The following IRF6 variants were observed in gnomAD, a reference collection of about 807,000 sequenced individuals.
IRF6 encodes interferon regulatory factor 6.
IRF6 carries 6 observed loss-of-function variants against 51.4 expected under a neutral mutation model. The ratio of observed to expected loss-of-function variants is 0.12; its 90% CI spans 0.06 to 0.23. The LOEUF (loss-of-function observed/expected upper bound fraction) is 0.23, where lower values mean the gene tolerates loss of function less well. Among genes scored for constraint, IRF6 ranks in the 10% least tolerant of loss-of-function variants. The pLI is 1.00. For synonymous variants in IRF6, 178 were observed against 215.7 expected, an observed-to-expected ratio of 0.83 and a Z score of 1.53; for missense variants, 348 against 585.2, an observed-to-expected ratio of 0.59 and a Z score of 4.18.
intron 8 of IRF6, among the ~76,000 whole-genome samples, chr1:209,788,931 G>A (rs1019729972): frequency 6.6e-6 from 1 of 152,240 alleles, no homozygotes; most frequent in Non-Finnish European, 1.5e-5. Flanking sequence ...TCTATTGCTT[G>A]CCTTGCTACA....
rs368293240 is a variant in IRF6 at position 209,805,396 on chromosome 1, C to A, written c.-76+551G>T. Among the ~76,000 whole-genome samples the A allele has an allele frequency of 2.6e-5, 4 of 152,246 alleles. No individual in the cohort carries two copies. The East Asian group carries it at 7.7e-4, about 29-fold the overall frequency. ...AGCAACCACACCCCAGCGCCACCCT[C>A]CCCAGCACCTAGCTCCGCTCCTTGG... On this transcript the variant is annotated intron_variant, in intron 1 of 8. Transcript: ENST00000367021.
Position 209,796,341 on chromosome 1 carries a change from G to C in IRF6, c.379+7C>G, listed in dbSNP as rs765901758. On this transcript the variant is annotated splice_region_variant and intron_variant, in intron 4 of 8. Coordinates refer to ENST00000367021, the MANE Select transcript of IRF6 (RefSeq NM_006147.4). The surrounding 1 kb of genome is among the most constrained non-coding windows in gnomAD (Gnocchi z 4.5). ...GCCCACCTTCTCCCCAGCACCTGGGGCCTCACCTGGGTTAATGATCGAGCC... is the reference window on the plus strand; with the variant it reads ...GCCCACCTTCTCCCCAGCACCTGGGCCCTCACCTGGGTTAATGATCGAGCC... 6.2e-6 allele frequency: 10 copies of C among 1,613,186 alleles called. No individual in the cohort carries two copies. In the South Asian group the frequency reaches 1.1e-4, roughly 18 times the overall value.
In IRF6 at chr1:209,786,308, C is replaced by T. The variant is rs2077833291; in HGVS notation, c.*2112G>A. The stretch of plus-strand genomic sequence containing the variant: ...CCTCACAAATCACTCATCCATTCCT[C>T]TGACATGTTCATAAACTTTTTATAG... On this transcript the variant is annotated 3_prime_UTR_variant, in exon 9 of 9. Coordinates refer to ENST00000367021, the MANE Select transcript of IRF6 (RefSeq NM_006147.4). 1 of 152,240 alleles carries T rather than the reference C, an allele frequency of 6.6e-6. No individual in the cohort carries two copies. Among genetic ancestry groups the T allele is most frequent in the Admixed American group, 6.5e-5 (1 of 15,286 alleles). The allele number at this position is 152,240 out of a possible 1,614,324, so 9.4% of individuals were successfully genotyped here.
rs2077833800 is a variant in IRF6 at position 209,786,381 on chromosome 1, C to T, written c.*2039G>A. On this transcript the variant is annotated 3_prime_UTR_variant, in exon 9 of 9. Coordinates refer to ENST00000367021, the MANE Select transcript of IRF6 (RefSeq NM_006147.4). ...CATTTCTTGGCACTTTTCCAATACC[C>T]TTTACCAGCTCACATTATCTGGGCT... 6.6e-6 allele frequency: 1 copy of T among 152,202 alleles called. No individual in the cohort carries two copies. The highest frequency in any genetic ancestry group is 2.1e-4 in the South Asian group (1 of 4,834). The allele number at this position is 152,202 out of a possible 1,614,324, so 9.4% of individuals were successfully genotyped here.
intron 4 of IRF6, 139 bp from the exon 5 acceptor site, chr1:209,795,557 A>G: frequency 7.7e-7 from 1 of 1,302,060 alleles, no homozygotes; most frequent in Non-Finnish European, 1.1e-6. Context: ...CCTAGCTAAA[A>G]AGAGTGAGAA....
chr1:209,800,452 T>C (rs990864411), intron 3 of IRF6, among the ~76,000 whole-genome samples: 2 of 152,190 alleles, frequency 1.3e-5, no homozygotes, highest in Non-Finnish European at 2.9e-5. Context: ...TGGGGCGAAA[T>C]ATTTTAACTC....
At chr1:209,801,547 G>C in intron 2 of IRF6, 131 bp from the exon 3 acceptor site, 1 of 730,458 alleles carries the variant, frequency 1.4e-6, no homozygotes, top group East Asian at 2.6e-5. Flanking sequence ...CTAAATATGG[G>C]AATAAGCTGT....
rs11418099 is a variant in IRF6, at chr1:209,797,370, C to CAA, written c.175-820_175-819dup. ...GGGCAACAAGAGTAAAACTTCATCT[C>CAA]AAAAAAAAAAAAAAAAAAAAAAAAA... On this transcript the variant is annotated intron_variant, in intron 3 of 8. Coordinates refer to ENST00000367021, the MANE Select transcript of IRF6 (RefSeq NM_006147.4). 0.035 allele frequency among the ~76,000 whole-genome samples: 1,718 copies of CAA among 48,446 alleles called. 352 individuals are homozygous for CAA. The East Asian group carries it at 0.38, about 11-fold the overall frequency. The allele number at this position is 48,446 out of a possible 152,430, so 31.8% of individuals were successfully genotyped here.
rs1213445513 is a variant in IRF6, at chr1:209,786,335, G to C, written c.*2085C>G. On this transcript the variant is annotated 3_prime_UTR_variant, in exon 9 of 9. Coordinates refer to ENST00000367021, the MANE Select transcript of IRF6 (RefSeq NM_006147.4). ...GACATGTTCATAAACTTTTTATAGT[G>C]GTTACGAACCAAAAGCTTGGCATTT... The C allele has an allele frequency of 6.6e-6, 1 of 152,168 alleles. No individual in the cohort carries two copies. Among genetic ancestry groups the C allele is most frequent in the East Asian group, 1.9e-4 (1 of 5,200 alleles). The allele number at this position is 152,168 out of a possible 1,614,324, so 9.4% of individuals were successfully genotyped here. A position where few individuals can be genotyped will look rare whatever the true frequency, so the allele number is the denominator to read the frequency against.
chr1:209,795,550 A>G, intron 4 of IRF6, 132 bp from the exon 5 acceptor site: 1 of 1,341,748 alleles, frequency 7.5e-7, no homozygotes. Flanking sequence ...TCAATGTCCT[A>G]GCTAAAAAGA....
chr1:209,797,388 AAAAAAAAAG>A (rs2077909357), intron 3 of IRF6, among the ~76,000 whole-genome samples: 1 of 150,682 alleles, frequency 6.6e-6, no homozygotes, highest in African/African-American at 2.4e-5. Context: ...AAAAAAAAAA[AAAAAAAAAG>A]AATTGTAGAA....
Position 209,790,353 on chromosome 1 carries a change from G to C in IRF6, c.1060+142C>G. The C allele has an allele frequency of 2.2e-6, 2 of 917,826 alleles. No individual in the cohort carries two copies. Among genetic ancestry groups the C allele is most frequent in the Non-Finnish European group, 3.5e-6 (2 of 577,760 alleles). The allele number at this position is 917,826 out of a possible 1,614,324, so 56.9% of individuals were successfully genotyped here. A position where few individuals can be genotyped will look rare whatever the true frequency, so the allele number is the denominator to read the frequency against. On this transcript the variant is annotated intron_variant, in intron 7 of 8. Transcript: ENST00000367021. This position sits in a 1 kb window ranked among gnomAD's most constrained non-coding sequence, Gnocchi z 4.8. ...CTCCAATTTTTAGAACCAAAGTTCT[G>C]TTCTCCCTTGACCTCCTCCAGACTA... is the stretch of plus-strand genomic sequence containing the variant.
rs1186015476 is a variant in IRF6, at chr1:209,786,675, A to G, written c.*1745T>C. 1 of 152,208 alleles carries G rather than the reference A, an allele frequency of 6.6e-6. No homozygotes were observed. Among genetic ancestry groups the G allele is most frequent in the Non-Finnish European group, 1.5e-5 (1 of 68,036 alleles). 9.4% of individuals were successfully genotyped at this position (152,208 alleles called of 1,614,324 possible). On this transcript the variant is annotated 3_prime_UTR_variant, in exon 9 of 9. Coordinates refer to ENST00000367021, the MANE Select transcript of IRF6 (RefSeq NM_006147.4). ...CCTCGAAGCTGGGCACCTGACCTTT[A>G]GCCAGGTTTCTTAATCTTTTCATGC... is the stretch of plus-strand genomic sequence containing the variant.
Position 209,795,565 on chromosome 1 carries a change from G to A in IRF6, c.380-147C>T. 4 of 1,217,724 alleles carry A rather than the reference G, an allele frequency of 3.3e-6. No individual in the cohort carries two copies. In the East Asian group the frequency reaches 1.0e-4, roughly 31 times the overall value. The allele number at this position is 1,217,724 out of a possible 1,614,324, so 75.4% of individuals were successfully genotyped here. A position where few individuals can be genotyped will look rare whatever the true frequency, so the allele number is the denominator to read the frequency against. Reference sequence around the variant, plus strand: ...TCAATGTCCTAGCTAAAAAGAGTGAGAATCAAGGGAATGAACACTTCTCTC... The same window carrying A: ...TCAATGTCCTAGCTAAAAAGAGTGAAAATCAAGGGAATGAACACTTCTCTC... On this transcript the variant is annotated intron_variant, in intron 4 of 8. Coordinates refer to ENST00000367021, the MANE Select transcript of IRF6 (RefSeq NM_006147.4).
intron 3 of IRF6, among the ~76,000 whole-genome samples, chr1:209,797,035 GCCTCCTGTGTTC>G (rs2077906916): frequency 6.6e-6 from 1 of 152,128 alleles, no homozygotes; most frequent in African/African-American, 2.4e-5. Flanking sequence ...GAAGAGTTTG[GCCTCCTGTGTTC>G]CCTCCTGTCA....
At position 209,790,527 on chromosome 1, in the gene IRF6, A is replaced by G; in HGVS notation, c.1028T>C (p.Val343Ala). 1.2e-6 allele frequency: 2 copies of G among 1,614,162 alleles called. No individual in the cohort carries two copies. Among genetic ancestry groups the G allele is most frequent in the Non-Finnish European group, 1.7e-6 (2 of 1,180,028 alleles). Reference sequence around the variant, plus strand: ...GAATGTTTCCAGACAAAATAGCTTGACCTTCTTTTGTCTCTCAATCAGGTT... The same window carrying G: ...GAATGTTTCCAGACAAAATAGCTTGGCCTTCTTTTGTCTCTCAATCAGGTT... The part of the protein sequence containing the change: ...APNLIERQKK[V>A]KLFCLETFLS... Residue 343 changes from valine to alanine, a missense_variant, in exon 7 of 9, where the codon GTC (valine) becomes GCC (alanine). Coordinates refer to ENST00000367021, the MANE Select transcript of IRF6 (RefSeq NM_006147.4). This position sits in a 1 kb window ranked among gnomAD's most constrained non-coding sequence, Gnocchi z 4.8.
chr1:209,799,686 A>G (rs1345661959), intron 3 of IRF6, among the ~76,000 whole-genome samples: 2 of 152,260 alleles, frequency 1.3e-5, no homozygotes, highest in Non-Finnish European at 2.9e-5. Flanking sequence ...CCCCAGGGCC[A>G]GCCACTGTCA....
In IRF6 at chr1:209,790,195, C is replaced by T. The variant is rs533678071; in HGVS notation, c.1060+300G>A. ...GGATTACCTTCCAAAGTTAAAGACA[C>T]GCTGGTAACATTTGAGGTGTAATGA... On this transcript the variant is annotated intron_variant, in intron 7 of 8. Coordinates refer to ENST00000367021, the MANE Select transcript of IRF6 (RefSeq NM_006147.4). The surrounding 1 kb of genome is among the most constrained non-coding windows in gnomAD (Gnocchi z 4.8). Among the ~76,000 whole-genome samples, 15 of 152,318 alleles carry T rather than the reference C, an allele frequency of 9.8e-5. No homozygotes were observed. Among genetic ancestry groups the T allele is most frequent in the Admixed American group, 4.6e-4 (7 of 15,304 alleles).
Position 209,796,336 on chromosome 1 carries a change from C to G in IRF6, c.379+12G>C, listed in dbSNP as rs2077901017. The stretch of plus-strand genomic sequence containing the variant: ...ATGCTGCCCACCTTCTCCCCAGCAC[C>G]TGGGGCCTCACCTGGGTTAATGATC... On this transcript the variant is annotated intron_variant, in intron 4 of 8. Coordinates refer to ENST00000367021, the MANE Select transcript of IRF6 (RefSeq NM_006147.4). This position sits in a 1 kb window ranked among gnomAD's most constrained non-coding sequence, Gnocchi z 4.5. 6.2e-7 allele frequency: 1 copy of G among 1,613,074 alleles called. No homozygotes were observed. The highest frequency in any genetic ancestry group is 1.3e-5 in the African/African-American group (1 of 75,046).
Sources: gnomAD v4.1 joint callset for allele counts (sites outside exome capture counted in the v4.1 genomes callset) on GRCh38, gnomAD v4.1.1 for gene constraint, Gnocchi (gnomAD v3.1) non-coding constraint, MANE v1.5 for transcripts, NCBI Gene and HGNC (gene_info 2026-07-23, HGNC 2026-07-21) for gene names.